The following TRERF1 variants were observed in gnomAD, a reference collection of about 807,000 sequenced individuals.
TRERF1 encodes transcriptional regulating factor 1.
In TRERF1, 27 loss-of-function variants were observed where a neutral mutation model predicts 122.9. That is an observed-to-expected ratio of 0.22 (90% CI 0.16 to 0.30). TRERF1 has a LOEUF of 0.30. Among genes scored for constraint, TRERF1 ranks in the 10% least tolerant of loss-of-function variants. The pLI is 1.00. For missense variants in TRERF1, 1,248 were observed against 1,560.3 expected (o/e 0.80, Z 3.37); for synonymous variants, 636 against 641.7 (o/e 0.99, Z 0.13).
At chr6:42,378,673 AG>A (rs2151116399) in intron 2 of TRERF1, among the ~76,000 whole-genome samples, 1 of 152,312 alleles carries the variant, frequency 6.6e-6, no homozygotes, top group East Asian at 1.9e-4. Flanking sequence ...GTCGATGCCT[AG>A]TCCAATTCTT....
chr6:42,228,672 AAAAAT>A lies in TRERF1; in HGVS notation c.3279-8_3279-4del, dbSNP rs1769918344. ...GGCTTTTGATCTTGAAGAAGACTCT[AAAAAT>A]AAAGAAAGAGAGGTGTGTAGAATTT... On this transcript the variant is annotated splice_region_variant and splice_polypyrimidine_tract_variant and intron_variant, in intron 17 of 17. Coordinates refer to ENST00000372922, the Ensembl canonical transcript of TRERF1. The surrounding 1 kb of genome is among the most constrained non-coding windows in gnomAD (Gnocchi z 4.2). The A allele has an allele frequency of 6.3e-7, 1 of 1,585,216 alleles. No individual in the cohort carries two copies. The highest frequency in any genetic ancestry group is 8.6e-7 in the Non-Finnish European group (1 of 1,167,886).
At chr6:42,324,078 G>C (rs1305117025) in intron 3 of TRERF1, among the ~76,000 whole-genome samples, 1 of 152,168 alleles carries the variant, frequency 6.6e-6, no homozygotes, top group Non-Finnish European at 1.5e-5. Flanking sequence ...GCTAATCTTG[G>C]TATTCCCACA....
chr6:42,337,466 C>A (rs1291782058), intron 3 of TRERF1, among the ~76,000 whole-genome samples: 1 of 152,162 alleles, frequency 6.6e-6, no homozygotes, highest in African/African-American at 2.4e-5. Flanking sequence ...TTTATTGAGT[C>A]CCCGCCTGCA....
chr6:42,420,113 C>T (rs1185234216), intron 2 of TRERF1, among the ~76,000 whole-genome samples: 2 of 152,238 alleles, frequency 1.3e-5, no homozygotes, highest in Admixed American at 6.5e-5. Context: ...TACCTAGGAG[C>T]TTCTCCTGTT....
chr6:42,439,148 C>CA (rs1786019178), intron 2 of TRERF1, among the ~76,000 whole-genome samples: 1 of 152,176 alleles, frequency 6.6e-6, no homozygotes. Flanking sequence ...CCTGTGTTTC[C>CA]AACACTTTCC....
chr6:42,350,611 G>A (rs1315779978), intron 3 of TRERF1, among the ~76,000 whole-genome samples: 5 of 152,160 alleles, frequency 3.3e-5, no homozygotes, highest in Admixed American at 1.3e-4. Context: ...TCTTCTTGAT[G>A]ACGAGTTTAA....
At chr6:42,315,708 C>G (rs937795325) in intron 3 of TRERF1, among the ~76,000 whole-genome samples, 1 of 71,984 alleles carries the variant, frequency 1.4e-5, no homozygotes, top group African/African-American at 4.5e-5. Context: ...GGAACACCAC[C>G]CCCCCCCCCA....
chr6:42,373,651 A>G (rs1774206231), intron 2 of TRERF1, among the ~76,000 whole-genome samples: 2 of 151,662 alleles, frequency 1.3e-5, no homozygotes, highest in Admixed American at 1.3e-4. Context: ...TGGGCAACAG[A>G]GTGAGACTCC....
chr6:42,258,035 C>G, intron 10 of TRERF1, 100 bp downstream of exon 10: 1 of 1,011,396 alleles, frequency 9.9e-7, no homozygotes, highest in Non-Finnish European at 1.5e-6. Flanking sequence ...ACAATTTCTA[C>G]AACTGCTCTC....
chr6:42,304,782 G>A (rs1786867443), intron 3 of TRERF1, among the ~76,000 whole-genome samples: 1 of 152,162 alleles, frequency 6.6e-6, no homozygotes, highest in African/African-American at 2.4e-5. Context: ...TCCCAGTTGA[G>A]AACTACCATT....
intron 3 of TRERF1, among the ~76,000 whole-genome samples, chr6:42,305,801 C>T (rs1271319240): frequency 1.3e-5 from 2 of 152,000 alleles, no homozygotes; most frequent in East Asian, 3.9e-4. Flanking sequence ...GTGAGACAGG[C>T]TCTACAGAGC....
At chr6:42,436,731 C>A (rs1196585666) in intron 2 of TRERF1, among the ~76,000 whole-genome samples, 1 of 143,810 alleles carries the variant, frequency 7.0e-6, no homozygotes, top group Non-Finnish European at 1.5e-5. Context: ...TTTTTATTTT[C>A]TTCCTCATCT....
chr6:42,373,144 C>G (rs1774085973), intron 2 of TRERF1, among the ~76,000 whole-genome samples: 1 of 152,226 alleles, frequency 6.6e-6, no homozygotes, highest in Non-Finnish European at 1.5e-5. Flanking sequence ...CAGTGGCCAT[C>G]CTGCTGGTGT....
rs1241990684 is a variant in TRERF1 at position 42,333,321 on chromosome 6, C to T, written c.-371+29676G>A. Among the ~76,000 whole-genome samples, 4 of 152,310 alleles carry T rather than the reference C, an allele frequency of 2.6e-5. No homozygotes were observed. In the East Asian group the frequency reaches 5.8e-4, roughly 22 times the overall value. On this transcript the variant is annotated intron_variant, in intron 3 of 17. Transcript: ENST00000372922. ...TTGGGTCAAATGATGTTTTAGGGCG[C>T]TCACAACTGTTCTCAATGCTTAAGA... is the stretch of plus-strand genomic sequence containing the variant.
chr6:42,327,803 A>G (rs998482247), intron 3 of TRERF1, among the ~76,000 whole-genome samples: 6 of 152,064 alleles, frequency 3.9e-5, no homozygotes, highest in African/African-American at 1.4e-4. Flanking sequence ...ATCTAAGTGA[A>G]GGAAAGGAGT....
chr6:42,229,123 GT>G (rs901411912), intron 17 of TRERF1, among the ~76,000 whole-genome samples: 3 of 151,902 alleles, frequency 2.0e-5, no homozygotes, highest in Non-Finnish European at 4.4e-5. Flanking sequence ...AAAGTTGTTG[GT>G]TTTGTTGTTG....
In TRERF1 at chr6:42,379,602, C is replaced by T. The variant is rs138032356; in HGVS notation, c.-453-16523G>A. Reference sequence around the variant, plus strand: ...CTGGAGTGCAGTGGCGCAATCACAGCTCACTGCAGCCTTGACTTTCCAGGC... The same window carrying T: ...CTGGAGTGCAGTGGCGCAATCACAGTTCACTGCAGCCTTGACTTTCCAGGC... On this transcript the variant is annotated intron_variant, in intron 2 of 17. Coordinates refer to ENST00000372922, the Ensembl canonical transcript of TRERF1. 2.2e-3 allele frequency among the ~76,000 whole-genome samples: 336 copies of T among 152,280 alleles called. 1 individual carries two copies. Among genetic ancestry groups the T allele is most frequent in the African/African-American group, 7.9e-3 (327 of 41,552 alleles).
intron 16 of TRERF1, among the ~76,000 whole-genome samples, chr6:42,235,157 A>G (rs1306167125): frequency 6.6e-6 from 1 of 152,126 alleles, no homozygotes; most frequent in East Asian, 1.9e-4. Flanking sequence ...AAATATTTTA[A>G]AGACTGTTGC....
chr6:42,438,269 G>C (rs1785803944), intron 2 of TRERF1, among the ~76,000 whole-genome samples: 1 of 151,736 alleles, frequency 6.6e-6, no homozygotes, highest in Admixed American at 6.6e-5. Context: ...ACATATACAA[G>C]GTAAGGTCGC....
Sources: allele counts gnomAD v4.1 joint callset (sites outside exome capture counted in the v4.1 genomes callset), GRCh38; gene constraint gnomAD v4.1.1; non-coding constraint Gnocchi (gnomAD v3.1); transcripts MANE v1.5; gene names NCBI Gene and HGNC (gene_info 2026-07-23, HGNC 2026-07-21).